The following DTWD2 variants were observed in gnomAD, a reference collection of about 807,000 sequenced individuals.
The protein encoded by DTWD2 is DTW motif tRNA-uridine aminocarboxypropyltransferase 2, also known as tRNA-uridine aminocarboxypropyltransferase 2.
Under a neutral mutation model 31.8 loss-of-function variants are expected in DTWD2, and 39 were observed. The ratio of observed to expected loss-of-function variants is 1.22; its 90% CI spans 0.95 to 1.60. The LOEUF is 1.60. Among genes scored for constraint, DTWD2 ranks in the 40% most tolerant of loss-of-function variants. DTWD2 has a pLI of 0.00. For synonymous variants in DTWD2, 180 were observed against 142.8 expected (o/e 1.26, Z -1.86); for missense variants, 515 against 381.5 (o/e 1.35, Z -2.92).
chr5:118,837,798 G>A lies in DTWD2; in HGVS notation c.*3119C>T, dbSNP rs541532371. ...GCTGAGTGTGGTGGCATGGGGCTGA[G>A]GTTCTAGCTACTTGGGAGGCTGAGG... On this transcript the variant is annotated 3_prime_UTR_variant, in exon 6 of 6. Coordinates refer to ENST00000510708, the MANE Select transcript of DTWD2 (RefSeq NM_173666.4). 6.6e-6 allele frequency: 1 copy of A among 152,188 alleles called. No homozygotes were observed. The highest frequency in any genetic ancestry group is 2.4e-5 in the African/African-American group (1 of 41,534). 9.4% of individuals were successfully genotyped at this position (152,188 alleles called of 1,614,324 possible).
chr5:118,858,681 T>A (rs1561429128), intron 4 of DTWD2, among the ~76,000 whole-genome samples: 1 of 152,156 alleles, frequency 6.6e-6, no homozygotes, highest in Non-Finnish European at 1.5e-5. Context: ...ATTACAAACT[T>A]CTTGCTATTT....
In DTWD2 at chr5:118,869,943, G is replaced by C. The variant is rs550830317; in HGVS notation, c.598-21725C>G. Among the ~76,000 whole-genome samples the C allele has an allele frequency of 9.2e-5, 14 of 152,222 alleles. No individual in the cohort carries two copies. The East Asian group carries it at 1.9e-3, about 21-fold the overall frequency. ...TAGAACCATCCCCTTGATGATGTGT[G>C]ATCCTTGCTTTATCACCGCTTCACA... On this transcript the variant is annotated intron_variant, in intron 4 of 5. Transcript: ENST00000510708.
rs1340741480 is a variant in DTWD2 at position 118,936,574 on chromosome 5, A to G, written c.404+2622T>C. Among the ~76,000 whole-genome samples the G allele has an allele frequency of 3.3e-5, 5 of 151,938 alleles. No individual in the cohort carries two copies. In the South Asian group the frequency reaches 1.0e-3, roughly 31 times the overall value. ...AATCCTAGCACTTTGGAAGGCCAAGATGAGAGGATCACTTGAGGCCAGGAG... is the reference window on the plus strand; with the variant it reads ...AATCCTAGCACTTTGGAAGGCCAAGGTGAGAGGATCACTTGAGGCCAGGAG... On this transcript the variant is annotated intron_variant, in intron 3 of 5. Coordinates refer to ENST00000510708, the MANE Select transcript of DTWD2 (RefSeq NM_173666.4).
At chr5:118,903,938 T>G (rs1753270351) in intron 4 of DTWD2, among the ~76,000 whole-genome samples, 1 of 152,026 alleles carries the variant, frequency 6.6e-6, no homozygotes, top group South Asian at 2.1e-4. Flanking sequence ...TAGTATGAAA[T>G]TATGTCAAAA....
In DTWD2 at chr5:118,885,400, C is replaced by T. The variant is rs78548068; in HGVS notation, c.598-37182G>A. Among the ~76,000 whole-genome samples the T allele has an allele frequency of 4.7e-4, 67 of 141,866 alleles. No homozygotes were observed. The East Asian group carries it at 0.012, about 25-fold the overall frequency. The allele number at this position is 141,866 out of a possible 152,430, so 93.1% of individuals were successfully genotyped here. ...CCGGGAGGTGGAGGTAGCAGCGAGCCGAGATCGAGCCACTGCACTGCACTC... is the reference window on the plus strand; with the variant it reads ...CCGGGAGGTGGAGGTAGCAGCGAGCTGAGATCGAGCCACTGCACTGCACTC... On this transcript the variant is annotated intron_variant, in intron 4 of 5. Coordinates refer to ENST00000510708, the MANE Select transcript of DTWD2 (RefSeq NM_173666.4).
intron 4 of DTWD2, among the ~76,000 whole-genome samples, chr5:118,889,221 T>G (rs1227985099): frequency 6.6e-6 from 1 of 152,128 alleles, no homozygotes; most frequent in Non-Finnish European, 1.5e-5. Context: ...TGGTACTTCC[T>G]GCAAATAACA....
chr5:118,863,640 G>C (rs1283794587), intron 4 of DTWD2, among the ~76,000 whole-genome samples: 1 of 152,162 alleles, frequency 6.6e-6, no homozygotes, highest in Non-Finnish European at 1.5e-5. Context: ...AAGGTTTTGA[G>C]TCATTGTATT....
intron 4 of DTWD2, among the ~76,000 whole-genome samples, chr5:118,899,789 T>C (rs985310864): frequency 7.3e-5 from 11 of 151,120 alleles, no homozygotes; most frequent in Non-Finnish European, 1.5e-4. Context: ...TAAGTCATAC[T>C]TCGTTTTTTC....
intron 4 of DTWD2, among the ~76,000 whole-genome samples, chr5:118,880,089 A>C (rs1261908481): frequency 6.6e-6 from 1 of 152,236 alleles, no homozygotes; most frequent in Non-Finnish European, 1.5e-5. Flanking sequence ...ATATTTTGAC[A>C]GTTAAAAGAG....
chr5:118,973,439 A>G (rs7720822), intron 1 of DTWD2, among the ~76,000 whole-genome samples: 2,981 of 152,212 alleles, frequency 0.02, 97 homozygotes, highest in African/African-American at 0.069. Context: ...AGCTCTTGTA[A>G]GGCAGGCCTG....
intron 3 of DTWD2, among the ~76,000 whole-genome samples, chr5:118,929,294 G>A (rs1433869187): frequency 6.6e-6 from 1 of 152,156 alleles, no homozygotes; most frequent in Non-Finnish European, 1.5e-5. Context: ...TATCTTAATA[G>A]GCAGACAAGA....
At chr5:118,953,047 T>A (rs1754500875) in intron 1 of DTWD2, among the ~76,000 whole-genome samples, 1 of 152,206 alleles carries the variant, frequency 6.6e-6, no homozygotes, top group African/African-American at 2.4e-5. Context: ...CCTAGTACAG[T>A]GATTCCCAAA....
chr5:118,863,214 T>C (rs1408334860), intron 4 of DTWD2, among the ~76,000 whole-genome samples: 3 of 152,226 alleles, frequency 2.0e-5, no homozygotes, highest in South Asian at 2.1e-4. Flanking sequence ...TTCCCCTAAA[T>C]GTTCCAAATT....
At chr5:118,876,622 A>G (rs1215444693) in intron 4 of DTWD2, among the ~76,000 whole-genome samples, 1 of 152,208 alleles carries the variant, frequency 6.6e-6, no homozygotes, top group East Asian at 1.9e-4. Context: ...CACATAAACT[A>G]GAAAATCTAA....
intron 3 of DTWD2, among the ~76,000 whole-genome samples, chr5:118,931,362 A>G (rs1050966043): frequency 5.3e-5 from 8 of 150,378 alleles, no homozygotes; most frequent in African/African-American, 2.0e-4. Flanking sequence ...TTGTGCCACT[A>G]CACTCAAGCT....
At chr5:118,986,567 G>C (rs1251265383) in intron 1 of DTWD2, among the ~76,000 whole-genome samples, 1 of 152,108 alleles carries the variant, frequency 6.6e-6, no homozygotes, top group African/African-American at 2.4e-5. Flanking sequence ...ATCTAAGAAT[G>C]CATTTTTAAA....
chr5:118,879,540 G>A (rs1294033918), intron 4 of DTWD2, among the ~76,000 whole-genome samples: 1 of 150,264 alleles, frequency 6.7e-6, no homozygotes, highest in African/African-American at 2.5e-5. Flanking sequence ...AACCCAGGAG[G>A]CAGAGGTTGC....
At chr5:118,900,320 C>G (rs2149565151) in intron 4 of DTWD2, among the ~76,000 whole-genome samples, 1 of 152,204 alleles carries the variant, frequency 6.6e-6, no homozygotes, top group East Asian at 1.9e-4. Context: ...TTTTTAAAAA[C>G]TTTTTCCCTT....
At chr5:118,980,363 C>T (rs151119660) in intron 1 of DTWD2, among the ~76,000 whole-genome samples, 4 of 152,176 alleles carry the variant, frequency 2.6e-5, no homozygotes, top group Non-Finnish European at 5.9e-5. Flanking sequence ...AGAAACAACA[C>T]AAACATGAAG....
Sources: allele counts gnomAD v4.1 joint callset (sites outside exome capture counted in the v4.1 genomes callset), GRCh38; gene constraint gnomAD v4.1.1; transcripts MANE v1.5; gene names NCBI Gene and HGNC (gene_info 2026-07-23, HGNC 2026-07-21).